Variants in CRISP2 observed in about 807,000 individuals in gnomAD.
The protein encoded by CRISP2 is cysteine-rich secretory protein 2.
A neutral mutation model predicts 31.7 loss-of-function variants in CRISP2; 29 were observed. The ratio of observed to expected loss-of-function variants is 0.92; its 90% CI spans 0.68 to 1.25. CRISP2 has a LOEUF of 1.25. CRISP2 is among the 50% of genes most tolerant of loss of function. CRISP2 has a pLI of 0.00. For synonymous variants in CRISP2, 111 were observed against 101.4 expected (o/e 1.09, Z -0.57); for missense variants, 318 against 286.5 (o/e 1.11, Z -0.79).
At chr6:49,710,713 ATT>A (rs34151686) in intron 3 of CRISP2, among the ~76,000 whole-genome samples, 1 of 152,164 alleles carries the variant, frequency 6.6e-6, no homozygotes, top group Non-Finnish European at 1.5e-5. Flanking sequence ...AATGTAAAAA[ATT>A]TTTACATATC....
intron 4 of CRISP2, among the ~76,000 whole-genome samples, 156 bp from the exon 5 acceptor site, chr6:49,700,940 G>A (rs920876476): frequency 9.2e-5 from 14 of 152,010 alleles, no homozygotes; most frequent in African/African-American, 2.9e-4. Flanking sequence ...AATAATAAAA[G>A]CCAATATTAG....
chr6:49,701,578 C>T (rs1256457765), intron 4 of CRISP2, among the ~76,000 whole-genome samples: 2 of 87,140 alleles, frequency 2.3e-5, no homozygotes, highest in Non-Finnish European at 4.4e-5. Flanking sequence ...CTGAGTATTA[C>T]GTGTGTGTGT....
At chr6:49,680,390 T>G in the CRISP2 span, among the ~76,000 whole-genome samples, 1 of 152,190 alleles carries the variant, frequency 6.6e-6, no homozygotes, top group African/African-American at 2.4e-5. Flanking sequence ...TTTTCTTTTT[T>G]CCAGTCTATC....
In CRISP2 at chr6:49,692,899, G is replaced by A; in HGVS notation, c.606C>T (p.Thr202=). The part of the protein sequence containing the change: ...CPDDCDKGLC[T]NSCQYQDLLS... ...GGAGATCTTGATACTGGCAACTATT[G>A]GCTGTAACAAAAACAGATTAGTTAA... The change falls in exon 10 of 10, where the codon ACC becomes ACT. Residue 202 remains threonine, a splice_region_variant and synonymous_variant. Coordinates refer to ENST00000339139, the MANE Select transcript of CRISP2 (RefSeq NM_003296.4). The A allele has an allele frequency of 6.2e-7, 1 of 1,612,778 alleles. No individual in the cohort carries two copies. The highest frequency in any genetic ancestry group is 8.5e-7 in the Non-Finnish European group (1 of 1,179,096).
In CRISP2 at chr6:49,701,511, TATATATATATATATAC is replaced by T. The variant is rs1561875346; in HGVS notation, c.67-743_67-728del. On this transcript the variant is annotated intron_variant, in intron 4 of 9. Transcript: ENST00000339139. ...GTGTGTGTGTGTGTGTATATATATA[TATATATATATATATAC>T]ACACACACACACACACAGTATATAT... is the stretch of plus-strand genomic sequence containing the variant. 1.5e-4 allele frequency among the ~76,000 whole-genome samples: 19 copies of T among 128,162 alleles called. 1 individual carries two copies. The highest frequency in any genetic ancestry group is 6.0e-4 in the African/African-American group (19 of 31,482). The allele number at this position is 128,162 out of a possible 152,430, so 84.1% of individuals were successfully genotyped here.
chr6:49,680,536 T>C, the CRISP2 span, among the ~76,000 whole-genome samples: 2 of 152,168 alleles, frequency 1.3e-5, no homozygotes, highest in Admixed American at 6.5e-5. Context: ...GATTGCTGAG[T>C]TGAATGGTAT....
intron 3 of CRISP2, 141 bp from the exon 4 acceptor site, chr6:49,709,346 T>C: frequency 1.4e-6 from 1 of 721,720 alleles, no homozygotes; most frequent in Non-Finnish European, 2.3e-6. Flanking sequence ...AAAAGAAGAA[T>C]TGCCCTATGG....
At chr6:49,713,575 G>C (rs1200165610), upstream of CRISP2, 1 of 152,246 alleles carries the variant, frequency 6.6e-6, no homozygotes, top group African/African-American at 2.4e-5. Flanking sequence ...TTGTTCACTT[G>C]CCAGGCGCCA....
Position 49,707,354 on chromosome 6 carries a change from T to A in CRISP2, c.66+1777A>T, listed in dbSNP as rs371327018. 7.9e-5 allele frequency among the ~76,000 whole-genome samples: 12 copies of A among 152,164 alleles called. No homozygotes were observed. The East Asian group carries it at 9.6e-4, about 12-fold the overall frequency. ...CAGAGAAAGCTTCATAAAATGTGAT[T>A]CTGGGGTTCTGAAAGATGAACAGAG... On this transcript the variant is annotated intron_variant, in intron 4 of 9. Coordinates refer to ENST00000339139, the MANE Select transcript of CRISP2 (RefSeq NM_003296.4).
At chr6:49,712,763 T>C (rs1251535905) in intron 1 of CRISP2, among the ~76,000 whole-genome samples, 159 bp from the exon 2 acceptor site, 1 of 152,256 alleles carries the variant, frequency 6.6e-6, no homozygotes, top group Admixed American at 6.5e-5. Flanking sequence ...AAGACCATAT[T>C]GTCCTTCTGA....
At chr6:49,684,080 T>C in the CRISP2 span, among the ~76,000 whole-genome samples, 1 of 152,050 alleles carries the variant, frequency 6.6e-6, no homozygotes, top group Non-Finnish European at 1.5e-5. Flanking sequence ...CTTCCTATCC[T>C]TGTTTCCTCA....
At chr6:49,698,080 TA>T (rs1765082100) in intron 7 of CRISP2, 123 bp from the exon 8 acceptor site, 2 of 786,622 alleles carry the variant, frequency 2.5e-6, no homozygotes, top group Non-Finnish European at 3.9e-6. Flanking sequence ...TAAAAATATT[TA>T]AATTATTGAA....
chr6:49,699,920 T>A (rs760648001), intron 5 of CRISP2, 29 bp from the exon 6 acceptor site: 23 of 1,586,984 alleles, frequency 1.4e-5, no homozygotes, highest in Non-Finnish European at 2.0e-5. Context: ...CAAAATACAC[T>A]TAATGATTCA....
chr6:49,698,876 A>G (rs1452766772), intron 6 of CRISP2, among the ~76,000 whole-genome samples: 3 of 152,094 alleles, frequency 2.0e-5, no homozygotes, highest in Non-Finnish European at 2.9e-5. Context: ...GTAACCCTCA[A>G]CAGAGATTTT....
At chr6:49,691,783 T>G (rs957620902), downstream of CRISP2, among the ~76,000 whole-genome samples, 1 of 152,082 alleles carries the variant, frequency 6.6e-6, no homozygotes, top group African/African-American at 2.4e-5. Flanking sequence ...ATTTCCTTTT[T>G]GGAAGCTTTA....
At chr6:49,683,591 G>A in the CRISP2 span, among the ~76,000 whole-genome samples, 30 of 142,858 alleles carry the variant, frequency 2.1e-4, no homozygotes, top group Admixed American at 1.3e-3. Flanking sequence ...TTGAACTGGC[G>A]GGATGGAGGT....
At chr6:49,683,116 C>G in the CRISP2 span, among the ~76,000 whole-genome samples, 1 of 151,574 alleles carries the variant, frequency 6.6e-6, no homozygotes, top group Non-Finnish European at 1.5e-5. Context: ...TGAGATCACG[C>G]CATTGCACTC....
intron 9 of CRISP2, 83 bp from the exon 10 acceptor site, chr6:49,692,983 G>A (rs1052246290): frequency 6.1e-6 from 9 of 1,465,838 alleles, no homozygotes; most frequent in Non-Finnish European, 8.5e-6. Flanking sequence ...GTGGGGAGGG[G>A]GTAGGAGGGA....
At chr6:49,697,410 GT>G (rs1164997688) in intron 8 of CRISP2, among the ~76,000 whole-genome samples, 3 of 5,152 alleles carry the variant, frequency 5.8e-4, no homozygotes, top group African/African-American at 9.6e-4. Flanking sequence ...GTGTGGTGGT[GT>G]GTGTGTGTGT....
Sources: gnomAD v4.1 joint callset for allele counts (sites outside exome capture counted in the v4.1 genomes callset) on GRCh38, gnomAD v4.1.1 for gene constraint, MANE v1.5 for transcripts, NCBI Gene and HGNC (gene_info 2026-07-23, HGNC 2026-07-21) for gene names.